Variants in ROR2 observed in about 807,000 individuals in gnomAD.
ROR2 encodes the protein tyrosine-protein kinase transmembrane receptor ROR2.
A neutral mutation model predicts 74.9 loss-of-function variants in ROR2; 33 were observed. The observed-to-expected ratio is 0.44, with a 90% CI of 0.33 to 0.59. The LOEUF (loss-of-function observed/expected upper bound fraction) is 0.59. Ranked by LOEUF, ROR2 falls within the 20% of genes least tolerant of loss-of-function variation. The pLI, the probability that ROR2 is intolerant of heterozygous loss-of-function variation, is 0.02. For synonymous variants in ROR2, 586 were observed against 558.7 expected, an observed-to-expected ratio of 1.05 and a Z score of -0.69; for missense variants, 1,216 against 1,313.8, an observed-to-expected ratio of 0.93 and a Z score of 1.15.
chr9:91,729,104 A>C (rs77012021), intron 7 of ROR2, among the ~76,000 whole-genome samples: 2 of 151,988 alleles, frequency 1.3e-5, no homozygotes, highest in Non-Finnish European at 2.9e-5. Flanking sequence ...AAAAAAAAAA[A>C]AGTCTTGTAT....
At chr9:91,907,617 C>G (rs533318997) in intron 1 of ROR2, among the ~76,000 whole-genome samples, 251 of 152,244 alleles carry the variant, frequency 1.6e-3, no homozygotes, top group African/African-American at 5.8e-3. Flanking sequence ...CAGGAAGGGC[C>G]TCCTCTGCTG....
chr9:91,892,590 CTTTT>C (rs547073635), intron 1 of ROR2, among the ~76,000 whole-genome samples: 2 of 105,466 alleles, frequency 1.9e-5, no homozygotes, highest in Non-Finnish European at 3.7e-5. Context: ...CTTTTCTTTT[CTTTT>C]TTTTTTTTTT....
intron 1 of ROR2, among the ~76,000 whole-genome samples, chr9:91,891,470 T>C (rs1830418927): frequency 6.6e-6 from 1 of 152,262 alleles, no homozygotes; most frequent in Non-Finnish European, 1.5e-5. Context: ...GGTTTCACCA[T>C]GTTGGCCAGG....
At chr9:91,853,778 T>C (rs910037877) in intron 1 of ROR2, among the ~76,000 whole-genome samples, 1 of 152,174 alleles carries the variant, frequency 6.6e-6, no homozygotes, top group African/African-American at 2.4e-5. Context: ...CAAATTTTCA[T>C]GCATGAATAT....
intron 4 of ROR2, among the ~76,000 whole-genome samples, chr9:91,743,986 C>A (rs1292802246): frequency 4.6e-5 from 7 of 152,166 alleles, no homozygotes; most frequent in Admixed American, 4.6e-4. Context: ...TACATTCATA[C>A]AACAGAATAC....
At chr9:91,937,332 C>T (rs1455265696) in intron 1 of ROR2, among the ~76,000 whole-genome samples, 3 of 152,050 alleles carry the variant, frequency 2.0e-5, no homozygotes, top group Admixed American at 6.5e-5. Context: ...ATTTGTAAAG[C>T]GCAGAGACTC....
chr9:91,743,917 A>G (rs982259704), intron 4 of ROR2, among the ~76,000 whole-genome samples: 3 of 152,250 alleles, frequency 2.0e-5, no homozygotes, highest in Admixed American at 6.5e-5. Context: ...ACAAATGTTC[A>G]TGGCTTTATT....
intron 1 of ROR2, among the ~76,000 whole-genome samples, chr9:91,804,544 G>C (rs1827490817): frequency 6.6e-6 from 1 of 152,250 alleles, no homozygotes; most frequent in South Asian, 2.1e-4. Context: ...GAGAGAGAAA[G>C]GCGGCTCACA....
chr9:91,856,596 G>A (rs1227489722), intron 1 of ROR2, among the ~76,000 whole-genome samples: 1 of 152,166 alleles, frequency 6.6e-6, no homozygotes, highest in African/African-American at 2.4e-5. Context: ...GTCAGGGAGA[G>A]GACAGCCAAC....
At chr9:91,760,128 AG>A (rs1825867796) in intron 2 of ROR2, among the ~76,000 whole-genome samples, 1 of 152,184 alleles carries the variant, frequency 6.6e-6, no homozygotes, top group African/African-American at 2.4e-5. Context: ...CAGTTGGCCA[AG>A]GCCACTCCTC....
chr9:91,795,460 T>C (rs1827136590), intron 1 of ROR2, among the ~76,000 whole-genome samples: 1 of 152,350 alleles, frequency 6.6e-6, no homozygotes, highest in South Asian at 2.1e-4. Context: ...TTGCCAACTA[T>C]GAATTTTTTC....
intron 2 of ROR2, among the ~76,000 whole-genome samples, chr9:91,768,533 C>T (rs1427651872): frequency 6.6e-6 from 1 of 152,176 alleles, no homozygotes; most frequent in Non-Finnish European, 1.5e-5. Context: ...TGTGTGTCAC[C>T]CGCAGGAGGA....
intron 4 of ROR2, among the ~76,000 whole-genome samples, chr9:91,752,425 T>G (rs1825621855): frequency 6.6e-6 from 1 of 152,196 alleles, no homozygotes; most frequent in South Asian, 2.1e-4. Flanking sequence ...TACTGATACA[T>G]GTACAACACA....
intron 8 of ROR2, among the ~76,000 whole-genome samples, 157 bp downstream of exon 8, chr9:91,726,384 C>A (rs1018887284): frequency 4.0e-5 from 6 of 151,766 alleles, no homozygotes; most frequent in Admixed American, 3.3e-4. Flanking sequence ...ATGTCCTGAT[C>A]TAGTTTACAG....
chr9:91,833,296 C>G (rs4743857), intron 1 of ROR2, among the ~76,000 whole-genome samples: 60,230 of 152,006 alleles, frequency 0.4, 13,884 homozygotes, highest in African/African-American at 0.62. Context: ...CAGCGTCCTG[C>G]TCTGCACTTC....
intron 1 of ROR2, among the ~76,000 whole-genome samples, chr9:91,926,960 G>A (rs1338273560): frequency 6.6e-6 from 1 of 152,154 alleles, no homozygotes; most frequent in Non-Finnish European, 1.5e-5. Context: ...TGTTCTTGAT[G>A]CTGCTGAACT....
intron 2 of ROR2, among the ~76,000 whole-genome samples, chr9:91,758,985 A>C (rs949895695): frequency 6.6e-6 from 1 of 152,266 alleles, no homozygotes; most frequent in Non-Finnish European, 1.5e-5. Flanking sequence ...GACAAAGCTA[A>C]AACAACACAG....
chr9:91,881,686 A>AGGGAGGACGAGCACTCCTGAGCT (rs1329737833), intron 1 of ROR2, among the ~76,000 whole-genome samples: 50 of 152,346 alleles, frequency 3.3e-4, no homozygotes, highest in South Asian at 1.9e-3. Flanking sequence ...TGAAAAAATT[A>AGGGAGGACGAGCACTCCTGAGCT]GGGAGGACGA....
In ROR2 at chr9:91,831,149, T is replaced by A. The variant is rs537032934; in HGVS notation, c.98-55331A>T. On this transcript the variant is annotated intron_variant, in intron 1 of 8. Coordinates refer to ENST00000375708, the MANE Select transcript of ROR2 (RefSeq NM_004560.4). Reference sequence around the variant, plus strand: ...GGTGGTGCATGCCTGTAATCCCACCTACTCGGGAGGCTGAGGCAGGCGAAT... The same window carrying A: ...GGTGGTGCATGCCTGTAATCCCACCAACTCGGGAGGCTGAGGCAGGCGAAT... Among the ~76,000 whole-genome samples, 5 of 151,832 alleles carry A rather than the reference T, an allele frequency of 3.3e-5. No homozygotes were observed. The East Asian group carries it at 9.7e-4, about 30-fold the overall frequency.
Sources: gnomAD v4.1 joint callset for allele counts (sites outside exome capture counted in the v4.1 genomes callset) on GRCh38, gnomAD v4.1.1 for gene constraint, MANE v1.5 for transcripts, NCBI Gene and HGNC (gene_info 2026-07-23, HGNC 2026-07-21) for gene names.